PARD3B: variants seen among roughly 807,000 people sequenced by gnomAD.
PARD3B encodes the protein par-3 family cell polarity regulator beta.
Under a neutral mutation model 130.2 loss-of-function variants are expected in PARD3B, and 103 were observed. That is an observed-to-expected ratio of 0.79 (90% CI 0.67 to 0.93). The LOEUF (loss-of-function observed/expected upper bound fraction) is 0.93, where lower values mean the gene tolerates loss of function less well. Among genes scored for constraint, PARD3B ranks in the 40% least tolerant of loss-of-function variants. The pLI is 0.00. For synonymous variants in PARD3B, 583 were observed against 553.2 expected, an observed-to-expected ratio of 1.05 and a Z score of -0.76; for missense variants, 1,609 against 1,499.2, an observed-to-expected ratio of 1.07 and a Z score of -1.21.
chr2:205,491,850 C>T (rs1210151821), intron 20 of PARD3B, among the ~76,000 whole-genome samples: 1 of 152,146 alleles, frequency 6.6e-6, no homozygotes, highest in Non-Finnish European at 1.5e-5. Flanking sequence ...CCCAGATAAG[C>T]CAAGCCAAGT....
At chr2:205,136,319 T>G (rs746752706) in intron 10 of PARD3B, among the ~76,000 whole-genome samples, 4 of 152,208 alleles carry the variant, frequency 2.6e-5, no homozygotes, top group Non-Finnish European at 5.9e-5. Flanking sequence ...CTCAATTATA[T>G]AGAACTTATT....
intron 1 of PARD3B, among the ~76,000 whole-genome samples, chr2:204,682,052 A>G (rs1365115845): frequency 6.6e-6 from 1 of 152,128 alleles, no homozygotes; most frequent in South Asian, 2.1e-4. Flanking sequence ...GGGGCCTTCC[A>G]TTGTCACCCC....
intron 3 of PARD3B, among the ~76,000 whole-genome samples, chr2:205,036,352 G>A (rs1202771150): frequency 7.3e-6 from 1 of 136,362 alleles, no homozygotes; most frequent in East Asian, 2.0e-4. Flanking sequence ...TATGTATATA[G>A]TGGGCTATAT....
chr2:204,553,802 T>C (rs1005810219), intron 1 of PARD3B, among the ~76,000 whole-genome samples: 5 of 150,338 alleles, frequency 3.3e-5, no homozygotes, highest in Non-Finnish European at 5.9e-5. Flanking sequence ...GCAAGTGAAG[T>C]AACTCAGGAA....
chr2:205,365,599 T>A (rs902837539), intron 18 of PARD3B, among the ~76,000 whole-genome samples: 1 of 142,330 alleles, frequency 7.0e-6, no homozygotes, highest in Admixed American at 7.4e-5. Flanking sequence ...ACCACTGAGA[T>A]TATTTACAAA....
At chr2:204,736,850 CCATA>C (rs2039778792) in intron 2 of PARD3B, among the ~76,000 whole-genome samples, 1 of 152,328 alleles carries the variant, frequency 6.6e-6, no homozygotes, top group South Asian at 2.1e-4. Flanking sequence ...TAAGGATTCT[CCATA>C]CTGTTTTTCA....
intron 12 of PARD3B, among the ~76,000 whole-genome samples, chr2:205,174,380 G>A (rs1465940283): frequency 3.3e-5 from 5 of 152,152 alleles, no homozygotes; most frequent in Admixed American, 3.3e-4. Context: ...GCTTTCCATG[G>A]GGAATGAGCA....
At chr2:205,115,888 T>A (rs951828676) in intron 6 of PARD3B, among the ~76,000 whole-genome samples, 2 of 152,208 alleles carry the variant, frequency 1.3e-5, no homozygotes, top group South Asian at 2.1e-4. Flanking sequence ...TACATTTAAT[T>A]TTTTTACTAA....
chr2:205,235,358 G>T lies in PARD3B; in HGVS notation c.2141-10420G>T, dbSNP rs1451004848. The stretch of plus-strand genomic sequence containing the variant: ...AATCACCTGAGCCTGGGAAGTCGAC[G>T]CTGCAGTGAGCTGAGATCACACCAC... On this transcript the variant is annotated intron_variant, in intron 15 of 22. Coordinates refer to ENST00000406610, the MANE Select transcript of PARD3B (RefSeq NM_001302769.2). Among the ~76,000 whole-genome samples the T allele has an allele frequency of 2.0e-5, 3 of 152,092 alleles. No homozygotes were observed. In the East Asian group the frequency reaches 5.8e-4, roughly 29 times the overall value.
At position 205,167,824 on chromosome 2, in the gene PARD3B, A is replaced by G. The variant is rs544612393; in HGVS notation, c.1621-4387A>G. On this transcript the variant is annotated intron_variant, in intron 11 of 22. Transcript: ENST00000406610. The stretch of plus-strand genomic sequence containing the variant: ...AATTTCTCTGAGCCTTCATCTTTAC[A>G]TCTCCTAAATAGCAGAGAGTAGCAT... Among the ~76,000 whole-genome samples the G allele has an allele frequency of 7.2e-5, 11 of 152,304 alleles. No homozygotes were observed. The South Asian group carries it at 1.7e-3, about 23-fold the overall frequency.
chr2:204,553,403 C>T (rs1309514709), intron 1 of PARD3B, among the ~76,000 whole-genome samples: 1 of 151,628 alleles, frequency 6.6e-6, no homozygotes, highest in Admixed American at 6.6e-5. Context: ...TACTGGGTAT[C>T]TACCTAGAGG....
At chr2:205,010,540 T>C (rs932115315) in intron 3 of PARD3B, among the ~76,000 whole-genome samples, 1 of 152,230 alleles carries the variant, frequency 6.6e-6, no homozygotes, top group African/African-American at 2.4e-5. Flanking sequence ...GCAAACACTT[T>C]CTGAGACCTT....
intron 2 of PARD3B, among the ~76,000 whole-genome samples, chr2:204,914,165 T>G (rs1575290349): frequency 6.6e-6 from 1 of 152,196 alleles, no homozygotes; most frequent in African/African-American, 2.4e-5. Context: ...TGATCCGGGA[T>G]GGTACCTGGG....
chr2:205,277,189 T>G (rs1199830069), intron 16 of PARD3B, among the ~76,000 whole-genome samples: 4 of 152,224 alleles, frequency 2.6e-5, no homozygotes, highest in Non-Finnish European at 5.9e-5. Context: ...ACTTCATCAC[T>G]GCCTTCAAAA....
At chr2:204,709,189 A>T (rs2038320949) in intron 2 of PARD3B, among the ~76,000 whole-genome samples, 1 of 152,224 alleles carries the variant, frequency 6.6e-6, no homozygotes, top group South Asian at 2.1e-4. Flanking sequence ...AAATGCTTGT[A>T]TAGTCCCATT....
chr2:205,189,017 T>C (rs1360013443), intron 14 of PARD3B, among the ~76,000 whole-genome samples: 1 of 152,162 alleles, frequency 6.6e-6, no homozygotes, highest in Non-Finnish European at 1.5e-5. Flanking sequence ...AATAAATAAA[T>C]ATAAAGGAAA....
rs934985791 is a variant in PARD3B, at chr2:204,669,107, A to G, written c.121-17074A>G. On this transcript the variant is annotated intron_variant, in intron 1 of 22. Coordinates refer to ENST00000406610, the MANE Select transcript of PARD3B (RefSeq NM_001302769.2). The surrounding 1 kb of genome is among the most constrained non-coding windows in gnomAD (Gnocchi z 4.3). The stretch of plus-strand genomic sequence containing the variant: ...CGCCTGACTTCAGGCCTGCAGAATT[A>G]GAAGATAATAAATCAGTGTTATTGC... Among the ~76,000 whole-genome samples the G allele has an allele frequency of 1.3e-4, 20 of 152,348 alleles. No individual in the cohort carries two copies. In the South Asian group the frequency reaches 3.7e-3, roughly 28 times the overall value.
chr2:204,682,074 C>A (rs1431607157), intron 1 of PARD3B, among the ~76,000 whole-genome samples: 5 of 152,130 alleles, frequency 3.3e-5, no homozygotes, highest in African/African-American at 1.2e-4. Flanking sequence ...CATGTCTCTG[C>A]ATTTTGACCT....
At chr2:205,058,478 A>G (rs1024029164) in intron 4 of PARD3B, among the ~76,000 whole-genome samples, 2 of 151,890 alleles carry the variant, frequency 1.3e-5, no homozygotes, top group Non-Finnish European at 2.9e-5. Context: ...ATTGGATCAT[A>G]GGGTTTATTC....
Sources: allele counts gnomAD v4.1 joint callset (sites outside exome capture counted in the v4.1 genomes callset), GRCh38; gene constraint gnomAD v4.1.1; non-coding constraint Gnocchi (gnomAD v3.1); transcripts MANE v1.5; gene names NCBI Gene and HGNC (gene_info 2026-07-23, HGNC 2026-07-21).